Variants in CTNNA2 observed in about 807,000 individuals in gnomAD.
The protein encoded by CTNNA2 is catenin alpha-2.
CTNNA2 carries 42 observed loss-of-function variants against 101.0 expected under a neutral mutation model. The ratio of observed to expected loss-of-function variants is 0.42; its 90% CI spans 0.32 to 0.54. CTNNA2 has a LOEUF of 0.54. Among genes scored for constraint, CTNNA2 ranks in the 20% least tolerant of loss-of-function variants. The pLI is 0.14. For missense variants in CTNNA2, 871 were observed against 1,223.1 expected (o/e 0.71, Z 4.29); for synonymous variants, 450 against 456.4 (o/e 0.99, Z 0.18).
At chr2:80,115,613 G>C (rs1482597338) in intron 7 of CTNNA2, among the ~76,000 whole-genome samples, 1 of 152,188 alleles carries the variant, frequency 6.6e-6, no homozygotes, top group Non-Finnish European at 1.5e-5. Flanking sequence ...GGGAGAGGCT[G>C]TTGCTCATGA....
At chr2:80,373,616 T>C (rs1222511397) in intron 7 of CTNNA2, among the ~76,000 whole-genome samples, 1 of 152,162 alleles carries the variant, frequency 6.6e-6, no homozygotes, top group Admixed American at 6.5e-5. Context: ...TACTTTGCTT[T>C]ATTTATTTAT....
intron 3 of CTNNA2, among the ~76,000 whole-genome samples, chr2:79,842,775 A>G (rs899229886): frequency 6.6e-5 from 10 of 152,138 alleles, no homozygotes; most frequent in Admixed American, 1.3e-4. Flanking sequence ...ATATTTATAA[A>G]GTGCTTAGTA....
intron 9 of CTNNA2, among the ~76,000 whole-genome samples, chr2:80,537,721 G>A (rs1165994554): frequency 6.6e-6 from 1 of 152,038 alleles, no homozygotes; most frequent in East Asian, 1.9e-4. Context: ...AGCCTCCTGA[G>A]TAGCTGGGAT....
At chr2:79,715,759 T>C (rs1393780947) in intron 2 of CTNNA2, among the ~76,000 whole-genome samples, 5 of 152,118 alleles carry the variant, frequency 3.3e-5, no homozygotes, top group African/African-American at 1.2e-4. Context: ...TATGGAGCCA[T>C]TGGACCGTCA....
intron 2 of CTNNA2, among the ~76,000 whole-genome samples, chr2:79,678,838 A>G (rs1683368423): frequency 6.6e-6 from 1 of 152,176 alleles, no homozygotes; most frequent in Non-Finnish European, 1.5e-5. Context: ...GCCTTTGGGC[A>G]TTCTTGAAAA....
At chr2:80,168,681 T>A (rs977463680) in intron 7 of CTNNA2, among the ~76,000 whole-genome samples, 3 of 152,164 alleles carry the variant, frequency 2.0e-5, no homozygotes, top group Admixed American at 1.3e-4. Context: ...TTACATCCCA[T>A]TGGGCAGCTT....
chr2:79,909,842 C>G (rs745347319), intron 7 of CTNNA2, 45 bp downstream of exon 7: 3 of 1,531,798 alleles, frequency 2.0e-6, no homozygotes, highest in South Asian at 2.4e-5. Context: ...GGATTCTGTT[C>G]TGCAATCGTG....
At chr2:80,624,593 C>A (rs561417285) in intron 18 of CTNNA2, among the ~76,000 whole-genome samples, 3 of 152,088 alleles carry the variant, frequency 2.0e-5, no homozygotes, top group Admixed American at 1.3e-4. Context: ...TCTAATTTAG[C>A]CCCCTAATTG....
At chr2:79,793,549 A>C (rs1648487120) in intron 3 of CTNNA2, among the ~76,000 whole-genome samples, 1 of 152,200 alleles carries the variant, frequency 6.6e-6, no homozygotes, top group South Asian at 2.1e-4. Context: ...TAATAAGTAA[A>C]GCTGGCCTGT....
At chr2:79,634,797 A>G (rs547339619) in intron 1 of CTNNA2, 1 of 152,380 alleles carries the variant, frequency 6.6e-6, no homozygotes, top group South Asian at 2.1e-4. Context: ...TCTTAGAGGA[A>G]TGGGAGAATA....
intron 3 of CTNNA2, among the ~76,000 whole-genome samples, chr2:79,852,406 G>C (rs1285968187): frequency 6.6e-6 from 1 of 152,076 alleles, no homozygotes; most frequent in Non-Finnish European, 1.5e-5. Context: ...TCCCTACGTG[G>C]CTTTTCATGT....
intron 4 of CTNNA2, among the ~76,000 whole-genome samples, chr2:79,401,744 A>G (rs1041236704): frequency 7.2e-5 from 11 of 151,740 alleles, no homozygotes; most frequent in African/African-American, 2.2e-4. Context: ...AACATCAGAC[A>G]TAATGACTAC....
intron 7 of CTNNA2, among the ~76,000 whole-genome samples, chr2:80,264,400 CA>C (rs1487840691): frequency 1.3e-5 from 2 of 152,104 alleles, no homozygotes; most frequent in Non-Finnish European, 2.9e-5. Flanking sequence ...GTGTCTTCAC[CA>C]ATCACACAAG....
chr2:79,539,540 G>A (rs1012953653), intron 1 of CTNNA2, among the ~76,000 whole-genome samples: 1 of 152,168 alleles, frequency 6.6e-6, no homozygotes, highest in East Asian at 1.9e-4. Flanking sequence ...AATGTTACTT[G>A]TAAATCACTC....
rs115631487 is a variant in CTNNA2, at chr2:79,188,812, G to A, written c.-524+3381G>A. Among the ~76,000 whole-genome samples the A allele has an allele frequency of 2.3e-3, 347 of 152,276 alleles. 1 individual carries two copies. The highest frequency in any genetic ancestry group is 8.0e-3 in the African/African-American group (333 of 41,556). On this transcript the variant is annotated intron_variant, in intron 1 of 21. Transcript: ENST00000466387. ...AGTTAGTGTTGTGAAAGACGTTTAT[G>A]CTTGCTCAAAGAGAGAACTTTATTA...
intron 4 of CTNNA2, among the ~76,000 whole-genome samples, chr2:79,488,046 AAGAC>A (rs915513033): frequency 1.3e-5 from 2 of 152,102 alleles, no homozygotes; most frequent in Admixed American, 1.3e-4. Context: ...GATGTTAAAA[AAGAC>A]AGACAGTGTA....
intron 7 of CTNNA2, among the ~76,000 whole-genome samples, chr2:80,191,154 G>T (rs757947481): frequency 5.3e-5 from 8 of 152,128 alleles, no homozygotes; most frequent in Non-Finnish European, 1.2e-4. Flanking sequence ...GACCACTTTT[G>T]TGCTTTCCTT....
chr2:80,075,125 C>T (rs1435609939), intron 7 of CTNNA2, among the ~76,000 whole-genome samples: 1 of 152,048 alleles, frequency 6.6e-6, no homozygotes, highest in Non-Finnish European at 1.5e-5. Flanking sequence ...CCCCTTCATT[C>T]TGCCTTTTGT....
At chr2:80,070,957 T>A (rs185730209) in intron 7 of CTNNA2, among the ~76,000 whole-genome samples, 33 of 152,300 alleles carry the variant, frequency 2.2e-4, no homozygotes, top group Admixed American at 5.9e-4. Flanking sequence ...TACATGTGTT[T>A]ATATTTAGGG....
Sources: allele counts gnomAD v4.1 joint callset (sites outside exome capture counted in the v4.1 genomes callset), GRCh38; gene constraint gnomAD v4.1.1; transcripts MANE v1.5; gene names NCBI Gene and HGNC (gene_info 2026-07-23, HGNC 2026-07-21).